The following PTPRD variants were observed in gnomAD, a reference collection of about 807,000 sequenced individuals.
PTPRD encodes the protein protein tyrosine phosphatase receptor type D, also known as receptor-type tyrosine-protein phosphatase delta.
Under a neutral mutation model 214.5 loss-of-function variants are expected in PTPRD, and 34 were observed. That is an observed-to-expected ratio of 0.16 (90% confidence interval 0.12 to 0.21). The LOEUF is 0.21. PTPRD is among the 10% of genes least tolerant of loss of function. The pLI is 1.00. For missense variants in PTPRD, 2,545 were observed against 2,398.7 expected, an observed-to-expected ratio of 1.06 and a Z score of -1.27; for synonymous variants, 1,128 against 845.7, an observed-to-expected ratio of 1.33 and a Z score of -5.79.
intron 14 of PTPRD, among the ~76,000 whole-genome samples, chr9:8,598,280 T>C (rs765273956): frequency 6.6e-6 from 1 of 151,974 alleles, no homozygotes; most frequent in Non-Finnish European, 1.5e-5. Context: ...GGTGAAACCC[T>C]GTCTCTATTA....
At chr9:9,153,566 T>C (rs2099878660) in intron 10 of PTPRD, among the ~76,000 whole-genome samples, 2 of 152,236 alleles carry the variant, frequency 1.3e-5, no homozygotes, top group African/African-American at 2.4e-5. Context: ...TTGTCAGTTA[T>C]GTGTGATTTA....
chr9:9,499,003 C>G (rs1467671456), intron 8 of PTPRD, among the ~76,000 whole-genome samples: 2 of 151,976 alleles, frequency 1.3e-5, no homozygotes, highest in Non-Finnish European at 2.9e-5. Context: ...CTCTCCCTCT[C>G]TTTATCAATT....
chr9:9,616,442 G>A (rs1052896045), intron 7 of PTPRD, among the ~76,000 whole-genome samples: 5 of 152,142 alleles, frequency 3.3e-5, no homozygotes, highest in Non-Finnish European at 7.4e-5. Context: ...TCTAGGATAC[G>A]ACCCCACTTT....
intron 3 of PTPRD, among the ~76,000 whole-genome samples, chr9:10,106,127 A>G (rs1168643546): frequency 2.0e-5 from 3 of 151,712 alleles, no homozygotes; most frequent in Non-Finnish European, 2.9e-5. Flanking sequence ...ATTGAATTCA[A>G]TAAGTTTTTG....
intron 3 of PTPRD, among the ~76,000 whole-genome samples, chr9:10,128,224 A>G (rs1442053016): frequency 1.3e-5 from 2 of 152,140 alleles, no homozygotes; most frequent in African/African-American, 4.8e-5. Context: ...ACCCCAAATT[A>G]ATATGTTGAA....
At chr9:8,576,994 C>T (rs1014826783) in intron 14 of PTPRD, among the ~76,000 whole-genome samples, 3 of 152,124 alleles carry the variant, frequency 2.0e-5, no homozygotes, top group African/African-American at 7.2e-5. Flanking sequence ...CCCTCCAATC[C>T]ATTCTCCTTC....
At chr9:10,237,275 A>G (rs2154360239) in intron 3 of PTPRD, among the ~76,000 whole-genome samples, 1 of 152,038 alleles carries the variant, frequency 6.6e-6, no homozygotes, top group East Asian at 1.9e-4. Flanking sequence ...AAAAGGCCAC[A>G]ATTATTTTTA....
chr9:9,586,780 G>C (rs1039579760), intron 7 of PTPRD, among the ~76,000 whole-genome samples: 1 of 151,872 alleles, frequency 6.6e-6, no homozygotes, highest in African/African-American at 2.4e-5. Flanking sequence ...GTTAAAAACA[G>C]AGGGGAAAAA....
chr9:8,734,014 C>G, intron 11 of PTPRD, 68 bp from the exon 12 acceptor site: 1 of 635,914 alleles, frequency 1.6e-6, no homozygotes, highest in South Asian at 1.9e-5. Context: ...CTTACTCTTT[C>G]CCCCCTGGTT....
At chr9:10,287,527 T>A (rs893743870) in intron 3 of PTPRD, among the ~76,000 whole-genome samples, 1 of 152,130 alleles carries the variant, frequency 6.6e-6, no homozygotes, top group African/African-American at 2.4e-5. Context: ...CCGCCATTGC[T>A]ACTGCATGTA....
intron 10 of PTPRD, among the ~76,000 whole-genome samples, chr9:9,034,970 C>G (rs79948180): frequency 6.6e-6 from 1 of 152,096 alleles, no homozygotes; most frequent in Admixed American, 6.6e-5. Context: ...ATTCAGAATT[C>G]TCATCTCTTT....
intron 6 of PTPRD, among the ~76,000 whole-genome samples, chr9:9,766,349 A>G (rs1484479941): frequency 6.6e-6 from 1 of 152,044 alleles, no homozygotes. Flanking sequence ...TAATGTGTTT[A>G]TTTTCCTAAT....
Position 9,773,133 on chromosome 9 carries a change from T to C in PTPRD, c.-367-6282A>G, listed in dbSNP as rs115249432. Reference sequence around the variant, plus strand: ...GGTTTTAGATGAAGAGATAAGTGTATAAAAAGATCTCATTGGGTTAAACTA... The same window carrying C: ...GGTTTTAGATGAAGAGATAAGTGTACAAAAAGATCTCATTGGGTTAAACTA... On this transcript the variant is annotated intron_variant, in intron 5 of 45. Transcript: ENST00000381196. 7.9e-3 allele frequency among the ~76,000 whole-genome samples: 1,197 copies of C among 152,230 alleles called. 12 individuals are homozygous for C. Among genetic ancestry groups the C allele is most frequent in the African/African-American group, 0.026 (1,093 of 41,554 alleles).
intron 9 of PTPRD, among the ~76,000 whole-genome samples, chr9:9,347,159 GCT>G (rs2049162657): frequency 6.6e-6 from 1 of 151,998 alleles, no homozygotes; most frequent in Admixed American, 6.6e-5. Flanking sequence ...ACAGAGTGAG[GCT>G]CTGTTTGAAA....
At chr9:9,398,971 G>T (rs75631799) in intron 8 of PTPRD, among the ~76,000 whole-genome samples, 3,514 of 152,064 alleles carry the variant, frequency 0.023, 57 homozygotes, top group Non-Finnish European at 0.034. Context: ...AAGCATACAG[G>T]TGTATTACAT....
chr9:10,452,445 T>G (rs960639667), intron 2 of PTPRD, among the ~76,000 whole-genome samples: 1 of 151,822 alleles, frequency 6.6e-6, no homozygotes, highest in Admixed American at 6.6e-5. Context: ...CCACCAACAG[T>G]AGACAGAGTT....
intron 8 of PTPRD, among the ~76,000 whole-genome samples, chr9:9,412,439 T>G (rs2075746673): frequency 6.6e-6 from 1 of 151,452 alleles, no homozygotes; most frequent in African/African-American, 2.4e-5. Flanking sequence ...ATGCAGCCCA[T>G]ACAGGTCTGG....
At chr9:8,532,148 T>G (rs1421205557) in intron 14 of PTPRD, among the ~76,000 whole-genome samples, 1 of 152,082 alleles carries the variant, frequency 6.6e-6, no homozygotes, top group African/African-American at 2.4e-5. Context: ...TCGTTAAATT[T>G]TCATGAGAAA....
intron 9 of PTPRD, among the ~76,000 whole-genome samples, chr9:9,271,437 G>A (rs574517898): frequency 6.6e-6 from 1 of 151,334 alleles, no homozygotes; most frequent in South Asian, 2.1e-4. Flanking sequence ...TTCCTGTTAT[G>A]TTGCATCTGA....
Sources: gnomAD v4.1 joint callset for allele counts (sites outside exome capture counted in the v4.1 genomes callset) on GRCh38, gnomAD v4.1.1 for gene constraint, MANE v1.5 for transcripts, NCBI Gene and HGNC (gene_info 2026-07-23, HGNC 2026-07-21) for gene names.